Variants in SUGCT observed in about 807,000 individuals in gnomAD.
The protein encoded by SUGCT is succinyl-CoA:glutarate CoA-transferase.
Under a neutral mutation model 55.0 loss-of-function variants are expected in SUGCT, and 41 were observed. That is an observed-to-expected ratio of 0.74 (90% CI 0.58 to 0.97). The LOEUF (loss-of-function observed/expected upper bound fraction) is 0.97. Ranked by LOEUF, SUGCT falls within the 50% of genes least tolerant of loss-of-function variation. The pLI is 0.00. For synonymous variants in SUGCT, 187 were observed against 200.4 expected (o/e 0.93, Z 0.56); for missense variants, 568 against 547.8 (o/e 1.04, Z -0.37).
At chr7:40,148,397 C>G (rs1447983484) in intron 1 of SUGCT, among the ~76,000 whole-genome samples, 1 of 152,120 alleles carries the variant, frequency 6.6e-6, no homozygotes, top group Non-Finnish European at 1.5e-5. Flanking sequence ...GTAATCCCAG[C>G]ACCTTGGGAG....
the SUGCT span, among the ~76,000 whole-genome samples, chr7:40,886,372 C>T: frequency 2.6e-5 from 4 of 152,092 alleles, no homozygotes; most frequent in African/African-American, 9.7e-5. Flanking sequence ...TCACTTGGAG[C>T]TCCAAGAAGA....
the SUGCT span, among the ~76,000 whole-genome samples, chr7:40,897,685 A>G: frequency 6.6e-6 from 1 of 152,148 alleles, no homozygotes; most frequent in African/African-American, 2.4e-5. Flanking sequence ...AGCTTGAAGG[A>G]CTTCCAAAGA....
At chr7:40,218,977 C>T (rs1787851874) in intron 6 of SUGCT, among the ~76,000 whole-genome samples, 2 of 152,150 alleles carry the variant, frequency 1.3e-5, no homozygotes, top group Non-Finnish European at 2.9e-5. Flanking sequence ...CATTCTTTCG[C>T]TCCTTGCAAT....
At chr7:40,736,549 T>A (rs1454648122) in intron 12 of SUGCT, among the ~76,000 whole-genome samples, 1 of 151,812 alleles carries the variant, frequency 6.6e-6, no homozygotes, top group Non-Finnish European at 1.5e-5. Context: ...GGTTAAACTG[T>A]AGAAAACAGA....
intron 9 of SUGCT, among the ~76,000 whole-genome samples, chr7:40,445,663 C>G (rs1182874057): frequency 2.6e-5 from 4 of 152,132 alleles, no homozygotes; most frequent in Non-Finnish European, 5.9e-5. Context: ...CAGCATCATC[C>G]TGATACCAAA....
At chr7:40,141,185 CTT>C (rs1378818800) in intron 1 of SUGCT, among the ~76,000 whole-genome samples, 3 of 142,382 alleles carry the variant, frequency 2.1e-5, no homozygotes, top group Non-Finnish European at 3.1e-5. Context: ...ATTTCTTTTC[CTT>C]TTTTTTTTTT....
chr7:40,945,420 C>G, the SUGCT span, among the ~76,000 whole-genome samples: 1 of 152,140 alleles, frequency 6.6e-6, no homozygotes, highest in Non-Finnish European at 1.5e-5. Flanking sequence ...ACCTGGAGGG[C>G]ACTCCTCCTG....
intron 12 of SUGCT, among the ~76,000 whole-genome samples, chr7:40,694,974 A>G (rs1584287738): frequency 6.6e-6 from 1 of 152,098 alleles, no homozygotes; most frequent in Non-Finnish European, 1.5e-5. Context: ...GAGCAGACAC[A>G]TTTGTGCAGC....
intron 7 of SUGCT, among the ~76,000 whole-genome samples, chr7:40,259,715 A>G (rs980355833): frequency 1.3e-5 from 2 of 151,950 alleles, no homozygotes; most frequent in African/African-American, 4.8e-5. Flanking sequence ...TGCTCAACCC[A>G]CTCATATATC....
chr7:40,839,858 A>C (rs535640178), intron 13 of SUGCT, among the ~76,000 whole-genome samples: 8 of 152,300 alleles, frequency 5.3e-5, no homozygotes, highest in Non-Finnish European at 1.2e-4. Context: ...GACTCCCCAG[A>C]CCAGTGATGT....
At chr7:40,422,362 A>G (rs60480981) in intron 9 of SUGCT, among the ~76,000 whole-genome samples, 1 of 152,264 alleles carries the variant, frequency 6.6e-6, no homozygotes, top group African/African-American at 2.4e-5. Context: ...ATATTATTTC[A>G]TTTAATCCTA....
chr7:40,404,526 C>G (rs1281192348), intron 9 of SUGCT, among the ~76,000 whole-genome samples: 1 of 152,032 alleles, frequency 6.6e-6, no homozygotes, highest in African/African-American at 2.4e-5. Context: ...CAACCTCTGC[C>G]TCCTGGGTTA....
intron 12 of SUGCT, among the ~76,000 whole-genome samples, chr7:40,631,541 C>T (rs147076841): frequency 6.6e-6 from 1 of 152,304 alleles, no homozygotes; most frequent in African/African-American, 2.4e-5. Context: ...TCTGAAATCC[C>T]GTGCCTGGAT....
intron 6 of SUGCT, among the ~76,000 whole-genome samples, chr7:40,211,407 G>A (rs1315533081): frequency 1.3e-5 from 2 of 152,162 alleles, no homozygotes; most frequent in African/African-American, 4.8e-5. Context: ...TAGAGACAGA[G>A]TTTCCCTATG....
At chr7:40,545,191 G>A (rs1794925432) in intron 12 of SUGCT, among the ~76,000 whole-genome samples, 1 of 152,184 alleles carries the variant, frequency 6.6e-6, no homozygotes, top group African/African-American at 2.4e-5. Flanking sequence ...AGAAATGATA[G>A]CTCAGCTCTC....
rs542034748 is a variant in SUGCT at position 40,491,730 on chromosome 7, C to A, written c.987-4554C>A. ...GGAGGGCCGGGTGTGGTGGCTCATG[C>A]CTGTAATTCCAGCACTTTGGGAGGC... On this transcript the variant is annotated intron_variant, in intron 11 of 13. Transcript: ENST00000335693. 2.6e-5 allele frequency among the ~76,000 whole-genome samples: 4 copies of A among 151,862 alleles called. No individual in the cohort carries two copies. In the South Asian group the frequency reaches 6.2e-4, roughly 24 times the overall value.
intron 12 of SUGCT, among the ~76,000 whole-genome samples, chr7:40,698,045 A>G (rs1387161472): frequency 6.6e-6 from 1 of 152,210 alleles, no homozygotes; most frequent in Non-Finnish European, 1.5e-5. Context: ...TTCCAGGTTA[A>G]TGAGCTGAAT....
chr7:40,365,998 AC>A (rs1178769643), intron 9 of SUGCT, among the ~76,000 whole-genome samples: 1 of 152,212 alleles, frequency 6.6e-6, no homozygotes, highest in African/African-American at 2.4e-5. Context: ...GCATCACGCT[AC>A]CTGACTTCAA....
At chr7:40,917,252 AC>A in the SUGCT span, among the ~76,000 whole-genome samples, 2 of 152,230 alleles carry the variant, frequency 1.3e-5, no homozygotes, top group Admixed American at 6.5e-5. Flanking sequence ...AAATGACCTT[AC>A]AATGTTTTCT....
Sources: gnomAD v4.1 joint callset for allele counts (sites outside exome capture counted in the v4.1 genomes callset) on GRCh38, gnomAD v4.1.1 for gene constraint, MANE v1.5 for transcripts, NCBI Gene and HGNC (gene_info 2026-07-23, HGNC 2026-07-21) for gene names.